Variants in SGCD observed in about 807,000 individuals in gnomAD.
SGCD encodes the protein sarcoglycan delta.
SGCD carries 18 observed loss-of-function variants against 36.6 expected under a neutral mutation model. The ratio of observed to expected loss-of-function variants is 0.49; its 90% CI spans 0.34 to 0.73. SGCD has a LOEUF of 0.73. SGCD is among the 30% of genes least tolerant of loss of function. The pLI is 0.01. For synonymous variants in SGCD, 133 were observed against 130.6 expected, an observed-to-expected ratio of 1.02 and a Z score of -0.12; for missense variants, 387 against 346.7, an observed-to-expected ratio of 1.12 and a Z score of -0.92.
chr5:155,874,529 T>A (rs1049409207), intron 1 of SGCD, among the ~76,000 whole-genome samples: 17 of 152,038 alleles, frequency 1.1e-4, no homozygotes, highest in African/African-American at 3.9e-4. Flanking sequence ...ATAACTTGTA[T>A]CCAGGCTATA....
the SGCD span, among the ~76,000 whole-genome samples, chr5:155,776,572 C>G: frequency 3.9e-5 from 6 of 152,186 alleles, no homozygotes; most frequent in Non-Finnish European, 8.8e-5. Flanking sequence ...CTTCCTTTAA[C>G]CCTTACTAGC....
chr5:156,115,401 TA>T (rs1464862677), intron 1 of SGCD, among the ~76,000 whole-genome samples: 2 of 152,012 alleles, frequency 1.3e-5, no homozygotes, highest in African/African-American at 4.8e-5. Context: ...TATCTACCCA[TA>T]AGCAAACCTC....
chr5:156,614,766 G>A (rs1342150995), intron 6 of SGCD, among the ~76,000 whole-genome samples: 1 of 152,120 alleles, frequency 6.6e-6, no homozygotes, highest in Non-Finnish European at 1.5e-5. Flanking sequence ...CCAGCAGCCT[G>A]TACTTTTCCT....
At chr5:156,287,157 TTATAA>T (rs1213083970) in intron 3 of SGCD, among the ~76,000 whole-genome samples, 2 of 152,144 alleles carry the variant, frequency 1.3e-5, no homozygotes, top group Non-Finnish European at 2.9e-5. Flanking sequence ...ACATGGGCTA[TTATAA>T]TAATTAAAAT....
chr5:156,333,975 T>G (rs1424008256), intron 2 of SGCD, among the ~76,000 whole-genome samples: 1 of 151,928 alleles, frequency 6.6e-6, no homozygotes, highest in Non-Finnish European at 1.5e-5. Context: ...TTTTACTGCC[T>G]TACTCTGTGA....
chr5:156,221,903 T>C (rs1764725385), intron 3 of SGCD, among the ~76,000 whole-genome samples: 1 of 152,048 alleles, frequency 6.6e-6, no homozygotes, highest in African/African-American at 2.4e-5. Flanking sequence ...TGCCAGATAG[T>C]ACTCCAGGGG....
chr5:155,827,630 A>T, the SGCD span, among the ~76,000 whole-genome samples: 3 of 150,730 alleles, frequency 2.0e-5, no homozygotes, highest in Admixed American at 2.0e-4. Flanking sequence ...GTAATATGAG[A>T]TAATCTTTCA....
chr5:155,851,044 G>A, the SGCD span, among the ~76,000 whole-genome samples: 1 of 152,080 alleles, frequency 6.6e-6, no homozygotes, highest in East Asian at 1.9e-4. Flanking sequence ...CTCTATTTTG[G>A]GAGTGCCAGT....
the SGCD span, among the ~76,000 whole-genome samples, chr5:155,752,688 C>A: frequency 6.6e-6 from 1 of 152,238 alleles, no homozygotes; most frequent in Non-Finnish European, 1.5e-5. Context: ...CAGTATTTAT[C>A]TTATAGAATA....
chr5:156,125,314 G>A (rs1446160259), intron 3 of SGCD, among the ~76,000 whole-genome samples: 3 of 152,164 alleles, frequency 2.0e-5, no homozygotes, highest in Non-Finnish European at 4.4e-5. Context: ...GGGTGGAGCT[G>A]TTGAATATCA....
chr5:156,356,349 T>C lies in SGCD; in HGVS notation c.192+11672T>C, dbSNP rs973130107. On this transcript the variant is annotated intron_variant, in intron 3 of 8. Coordinates refer to ENST00000337851, the MANE Select transcript of SGCD (RefSeq NM_000337.6). Reference sequence around the variant, plus strand: ...TGTGTTTACTTACATGTGTGGGTGGTTGATGCTAGCTGTCAGCTGGAACCT... The same window carrying C: ...TGTGTTTACTTACATGTGTGGGTGGCTGATGCTAGCTGTCAGCTGGAACCT... 2.0e-5 allele frequency among the ~76,000 whole-genome samples: 3 copies of C among 152,242 alleles called. No individual in the cohort carries two copies. The East Asian group carries it at 5.8e-4, about 29-fold the overall frequency.
At chr5:156,106,243 T>C (rs552553383) in intron 1 of SGCD, among the ~76,000 whole-genome samples, 1 of 148,708 alleles carries the variant, frequency 6.7e-6, no homozygotes, top group African/African-American at 2.5e-5. Context: ...AGAATTGAAA[T>C]CATTTAAATG....
chr5:156,319,510 C>T (rs1581240434), intron 3 of SGCD, among the ~76,000 whole-genome samples: 1 of 152,274 alleles, frequency 6.6e-6, no homozygotes, highest in East Asian at 1.9e-4. Context: ...AAAAGGACTT[C>T]CTCATTGCTT....
At chr5:156,282,095 T>C (rs1766469325) in intron 3 of SGCD, among the ~76,000 whole-genome samples, 1 of 152,102 alleles carries the variant, frequency 6.6e-6, no homozygotes, top group Admixed American at 6.6e-5. Flanking sequence ...GTCTTGTTAG[T>C]GTGATTCATG....
chr5:156,315,936 T>C (rs567103375), intron 3 of SGCD, among the ~76,000 whole-genome samples: 1 of 152,112 alleles, frequency 6.6e-6, no homozygotes, highest in East Asian at 1.9e-4. Context: ...ATATTTTGGA[T>C]ATTAACCCCT....
At chr5:156,267,492 C>T (rs952315487) in intron 3 of SGCD, among the ~76,000 whole-genome samples, 1 of 152,138 alleles carries the variant, frequency 6.6e-6, no homozygotes, top group Non-Finnish European at 1.5e-5. Flanking sequence ...TCTGACCTGC[C>T]GGATCCAAGG....
chr5:155,872,019 A>C, intron 1 of SGCD, among the ~76,000 whole-genome samples: 1 of 152,212 alleles, frequency 6.6e-6, no homozygotes, highest in Non-Finnish European at 1.5e-5. Context: ...AGTTGTGTTC[A>C]AGGGCAGCAA....
chr5:156,373,030 A>T (rs1367511939), intron 3 of SGCD, among the ~76,000 whole-genome samples: 1 of 151,578 alleles, frequency 6.6e-6, no homozygotes, highest in Non-Finnish European at 1.5e-5. Flanking sequence ...CTTTCATACC[A>T]CCCCAGAGAG....
chr5:156,150,363 C>T (rs866767488), intron 3 of SGCD, among the ~76,000 whole-genome samples: 7 of 151,708 alleles, frequency 4.6e-5, no homozygotes, highest in Middle Eastern at 3.4e-3. Context: ...TAACCCCCTA[C>T]ACTAGTCTGC....
Sources: gnomAD v4.1 joint callset for allele counts (sites outside exome capture counted in the v4.1 genomes callset) on GRCh38, gnomAD v4.1.1 for gene constraint, MANE v1.5 for transcripts, NCBI Gene and HGNC (gene_info 2026-07-23, HGNC 2026-07-21) for gene names.